Variants in PIK3C2G observed in about 807,000 individuals in gnomAD.
PIK3C2G encodes phosphatidylinositol-4-phosphate 3-kinase catalytic subunit type 2 gamma.
A neutral mutation model predicts 181.1 loss-of-function variants in PIK3C2G; 168 were observed. The ratio of observed to expected loss-of-function variants is 0.93; its 90% CI spans 0.82 to 1.05. PIK3C2G has a LOEUF of 1.05. Ranked by LOEUF, PIK3C2G falls within the 50% of genes least tolerant of loss-of-function variation. The probability of loss-of-function intolerance (pLI) is 0.00; values close to 1 mark genes in which losing one functional copy is unlikely to be tolerated. For synonymous variants in PIK3C2G, 573 were observed against 592.2 expected (o/e 0.97, Z 0.47); for missense variants, 1,869 against 1,732.8 (o/e 1.08, Z -1.40).
chr12:18,437,124 T>C (rs973848840), intron 18 of PIK3C2G, among the ~76,000 whole-genome samples: 12 of 151,974 alleles, frequency 7.9e-5, no homozygotes, highest in African/African-American at 2.9e-4. Context: ...CTCTGTATTT[T>C]GTATTAGTTA....
chr12:18,606,852 A>C (rs1038754572), intron 30 of PIK3C2G, among the ~76,000 whole-genome samples: 1 of 152,152 alleles, frequency 6.6e-6, no homozygotes, highest in Non-Finnish European at 1.5e-5. Flanking sequence ...AATTATGTTT[A>C]ATCCTTGGGA....
intron 6 of PIK3C2G, 29 bp from the exon 7 acceptor site, chr12:18,320,933 T>C: frequency 3.9e-6 from 5 of 1,279,778 alleles, no homozygotes; most frequent in Non-Finnish European, 5.6e-6. Flanking sequence ...ATTCACTCAA[T>C]AAATATTAAT....
intron 12 of PIK3C2G, among the ~76,000 whole-genome samples, chr12:18,368,122 C>T (rs1041934554): frequency 1.3e-5 from 2 of 152,104 alleles, no homozygotes; most frequent in Non-Finnish European, 2.9e-5. Flanking sequence ...CTCTCAACAC[C>T]TGGGGATTAA....
At chr12:18,362,315 A>G (rs1394706349) in intron 11 of PIK3C2G, among the ~76,000 whole-genome samples, 1 of 152,142 alleles carries the variant, frequency 6.6e-6, no homozygotes, top group African/African-American at 2.4e-5. Context: ...CAAAGGTGCT[A>G]AGTCTAAGTG....
At chr12:18,670,697 CATG>C in the PIK3C2G span, among the ~76,000 whole-genome samples, 1 of 152,126 alleles carries the variant, frequency 6.6e-6, no homozygotes, top group Admixed American at 6.5e-5. Flanking sequence ...TTATCAATCT[CATG>C]ATAAGTGGCA....
At chr12:18,723,358 T>G in the PIK3C2G span, 1 of 1,612,822 alleles carries the variant, frequency 6.2e-7, no homozygotes, top group Non-Finnish European at 8.5e-7. Context: ...AGCAATAGCT[T>G]TACTCATCTC....
Position 18,562,751 on chromosome 12 carries a change from G to T in PIK3C2G, c.3639G>T (p.Leu1213Phe), listed in dbSNP as rs1319373756. 3 of 1,606,962 alleles carry T rather than the reference G, an allele frequency of 1.9e-6. No homozygotes were observed. Among genetic ancestry groups the T allele is most frequent in the Non-Finnish European group, 2.6e-6 (3 of 1,175,962 alleles). Residue 1213 changes from leucine (L) to phenylalanine (F), a missense_variant, in exon 27 of 33, where the codon TTG (leucine) becomes TTT (phenylalanine). By Grantham distance (22) the Leu-to-Phe change is conservative. Coordinates refer to ENST00000538779, the MANE Select transcript of PIK3C2G (RefSeq NM_001288772.2). ...GTTTCCCTGTTAAATTGAATAACTT[G>T]ATCCACACACTTGCACAAATGTCAG... Reference protein sequence around the residue: ...LECFPVKLNNLIHTLAQMSAI... With the variant: ...LECFPVKLNNFIHTLAQMSAI...
chr12:18,321,753 T>C lies in PIK3C2G; in HGVS notation c.1208+721T>C, dbSNP rs531613662. Among the ~76,000 whole-genome samples, 38 of 152,276 alleles carry C rather than the reference T, an allele frequency of 2.5e-4. 1 individual carries two copies. The highest frequency in any genetic ancestry group is 8.9e-4 in the African/African-American group (37 of 41,544). On this transcript the variant is annotated intron_variant, in intron 7 of 32. Coordinates refer to ENST00000538779, the MANE Select transcript of PIK3C2G (RefSeq NM_001288772.2). ...ATAAAGAAATGGCACATATACACCA[T>C]GCAGCCATATAAAGGAATGAGATCA...
At chr12:18,482,949 T>C (rs1267611144) in intron 18 of PIK3C2G, among the ~76,000 whole-genome samples, 1 of 152,186 alleles carries the variant, frequency 6.6e-6, no homozygotes, top group South Asian at 2.1e-4. Context: ...GACCCCCAGT[T>C]GGTTTTTCGT....
intron 16 of PIK3C2G, among the ~76,000 whole-genome samples, chr12:18,402,679 T>C (rs1944313420): frequency 6.6e-6 from 1 of 152,146 alleles, no homozygotes; most frequent in African/African-American, 2.4e-5. Flanking sequence ...AGAATGAGAT[T>C]GTAATACTGC....
intron 31 of PIK3C2G, among the ~76,000 whole-genome samples, chr12:18,637,829 C>T (rs1365111972): frequency 6.6e-6 from 1 of 152,152 alleles, no homozygotes; most frequent in African/African-American, 2.4e-5. Context: ...GCTTTTAATC[C>T]TTTCTGCTAC....
intron 18 of PIK3C2G, among the ~76,000 whole-genome samples, chr12:18,463,170 T>C (rs1948013332): frequency 6.6e-6 from 1 of 152,166 alleles, no homozygotes; most frequent in Admixed American, 6.6e-5. Context: ...AGTCATCAGA[T>C]TTGCTTTAGT....
intron 31 of PIK3C2G, among the ~76,000 whole-genome samples, chr12:18,614,036 G>A (rs1169739383): frequency 1.3e-5 from 2 of 151,852 alleles, no homozygotes; most frequent in Admixed American, 6.6e-5. Flanking sequence ...ATTTTTTGTT[G>A]TTTTTTAAAA....
the PIK3C2G span, chr12:18,712,706 A>G: frequency 7.6e-6 from 8 of 1,054,784 alleles, no homozygotes; most frequent in South Asian, 9.7e-5. Context: ...CATGGATTTC[A>G]CTGCCTACTA....
downstream of PIK3C2G, among the ~76,000 whole-genome samples, chr12:18,650,728 A>ATC (rs1950466517): frequency 1.5e-3 from 35 of 23,458 alleles, no homozygotes; most frequent in South Asian, 2.0e-3. Context: ...ATATATATAT[A>ATC]TATATATATA....
intron 18 of PIK3C2G, among the ~76,000 whole-genome samples, chr12:18,434,905 T>G (rs1372664048): frequency 1.3e-5 from 2 of 151,754 alleles, no homozygotes; most frequent in Middle Eastern, 3.4e-3. Context: ...TTAATAGACA[T>G]CCTCTAAAAA....
At chr12:18,323,399 A>T (rs114363106) in intron 7 of PIK3C2G, among the ~76,000 whole-genome samples, 1 of 152,192 alleles carries the variant, frequency 6.6e-6, no homozygotes, top group Non-Finnish European at 1.5e-5. Flanking sequence ...ACACTTGGCA[A>T]CCATCACACA....
chr12:18,269,249 A>G (rs573906595), intron 1 of PIK3C2G, among the ~76,000 whole-genome samples: 2 of 152,266 alleles, frequency 1.3e-5, no homozygotes, highest in African/African-American at 4.8e-5. Flanking sequence ...CCTCATGCTA[A>G]CAATTACATT....
intron 1 of PIK3C2G, among the ~76,000 whole-genome samples, chr12:18,250,945 ATCT>A (rs1221550344): frequency 2.6e-5 from 4 of 152,066 alleles, no homozygotes; most frequent in African/African-American, 9.6e-5. Flanking sequence ...AAATTCATGG[ATCT>A]TCTAGTGATT....
Sources: allele counts gnomAD v4.1 joint callset (sites outside exome capture counted in the v4.1 genomes callset), GRCh38; gene constraint gnomAD v4.1.1; transcripts MANE v1.5; gene names NCBI Gene and HGNC (gene_info 2026-07-23, HGNC 2026-07-21).